TUBGCP5: variants seen among roughly 807,000 people sequenced by gnomAD.
TUBGCP5 encodes the protein gamma-tubulin complex component 5.
TUBGCP5 carries 98 observed loss-of-function variants against 134.7 expected under a neutral mutation model. That is an observed-to-expected ratio of 0.73 (90% CI 0.62 to 0.86). TUBGCP5 has a LOEUF of 0.86. Among genes scored for constraint, TUBGCP5 ranks in the 40% least tolerant of loss-of-function variants. The probability of loss-of-function intolerance (pLI) is 0.00; values close to 1 mark genes in which losing one functional copy is unlikely to be tolerated. For missense variants in TUBGCP5, 1,150 were observed against 1,244.8 expected, an observed-to-expected ratio of 0.92 and a Z score of 1.15; for synonymous variants, 456 against 431.4, an observed-to-expected ratio of 1.06 and a Z score of -0.71.
At chr15:23,029,433 CTGGTCT>C (rs1315738737) in intron 6 of TUBGCP5, among the ~76,000 whole-genome samples, 1 of 151,848 alleles carries the variant, frequency 6.6e-6, no homozygotes, top group Non-Finnish European at 1.5e-5. Context: ...GTTGGTCAGG[CTGGTCT>C]TGAACTCCTG....
At chr15:23,032,654 C>T (rs2066378599) in intron 4 of TUBGCP5, 74 bp downstream of exon 4, 1 of 1,009,690 alleles carries the variant, frequency 9.9e-7, no homozygotes, top group Non-Finnish European at 1.4e-6. Flanking sequence ...TTCAATAAAA[C>T]TCAGTGTTTA....
chr15:23,004,453 A>G, intron 19 of TUBGCP5: 2 of 491,166 alleles, frequency 4.1e-6, no homozygotes, highest in East Asian at 3.9e-5. Context: ...CCACTTGCAC[A>G]GTGAATGAAT....
Position 23,027,304 on chromosome 15 carries a change from C to T in TUBGCP5, c.625G>A (p.Glu209Lys), listed in dbSNP as rs756561461. 7 of 1,613,032 alleles carry T rather than the reference C, an allele frequency of 4.3e-6. No individual in the cohort carries two copies. Among genetic ancestry groups the T allele is most frequent in the Non-Finnish European group, 8.5e-7 (1 of 1,179,396 alleles). The change falls in exon 7 of 23, where the codon GAG (glutamate) becomes AAG (lysine). Residue 209 changes from glutamate to lysine, a missense_variant and splice_region_variant. Transcript: ENST00000615383. ...TCCAGCCAGCTTCGGTCATCTGGCT[C>T]ATCTGCTTGAAAGAAATGTAATCAG... ...KLDPCISWKD[E>K]PDDRSWLEHH...
chr15:23,017,745 G>A, intron 13 of TUBGCP5, 28 bp downstream of exon 13: 4 of 1,600,650 alleles, frequency 2.5e-6, no homozygotes, highest in Non-Finnish European at 3.4e-6. Flanking sequence ...CCAACACCAA[G>A]AGAGACACAG....
rs1279633783 is a variant in TUBGCP5, at chr15:22,999,787, C to A, written c.*33G>T. The A allele has an allele frequency of 6.2e-7, 1 of 1,607,662 alleles. No individual in the cohort carries two copies. Among genetic ancestry groups the A allele is most frequent in the Admixed American group, 1.7e-5 (1 of 59,954 alleles). ...TGGTGGAAATGTACATGTATGATGA[C>A]AAAGTCGGAGATATTTATTACGCTG... is the stretch of plus-strand genomic sequence containing the variant. On this transcript the variant is annotated 3_prime_UTR_variant, in exon 23 of 23. Transcript: ENST00000615383.
In TUBGCP5 at chr15:23,013,363, G is replaced by A. The variant is rs957443792; in HGVS notation, c.1757-2032C>T. 6.6e-6 allele frequency among the ~76,000 whole-genome samples: 1 copy of A among 151,644 alleles called. No homozygotes were observed. Among genetic ancestry groups the A allele is most frequent in the Non-Finnish European group, 1.5e-5 (1 of 67,886 alleles). On this transcript the variant is annotated intron_variant, in intron 13 of 22. Transcript: ENST00000615383. This position sits in a 1 kb window ranked among gnomAD's most constrained non-coding sequence, Gnocchi z 4.5. Reference sequence around the variant, plus strand: ...AGCTGCTGGGGAGGCTGAGGCAGGAGAGAACCCAGGAGGCGAAGTTCGCAG... The same window carrying A: ...AGCTGCTGGGGAGGCTGAGGCAGGAAAGAACCCAGGAGGCGAAGTTCGCAG...
At chr15:23,033,934 T>C (rs946700410) in intron 3 of TUBGCP5, among the ~76,000 whole-genome samples, 3 of 152,146 alleles carry the variant, frequency 2.0e-5, no homozygotes, top group Non-Finnish European at 4.4e-5. Flanking sequence ...ATTTTTAAAT[T>C]GGGATATTAG....
At chr15:23,018,511 T>C (rs1337585159) in intron 12 of TUBGCP5, among the ~76,000 whole-genome samples, 2 of 152,160 alleles carry the variant, frequency 1.3e-5, no homozygotes. Context: ...CAGTGACAGA[T>C]ATGAGATTGA....
chr15:23,030,186 C>T (rs539222492), intron 6 of TUBGCP5, among the ~76,000 whole-genome samples: 1 of 151,984 alleles, frequency 6.6e-6, no homozygotes, highest in Non-Finnish European at 1.5e-5. Context: ...CAGAGTGAGA[C>T]CCTTGTCTCC....
In TUBGCP5 at chr15:23,013,976, C is replaced by G. The variant is rs755457259; in HGVS notation, c.1757-2645G>C. Among the ~76,000 whole-genome samples the G allele has an allele frequency of 2.6e-5, 4 of 152,198 alleles. No homozygotes were observed. Among genetic ancestry groups the G allele is most frequent in the African/African-American group, 9.7e-5 (4 of 41,450 alleles). ...GCTATGTGGAGCCTGGGCCCAGGAT[C>G]GACTGGTGATTCTGGTCCTGCACAG... On this transcript the variant is annotated intron_variant, in intron 13 of 22. Coordinates refer to ENST00000615383, the MANE Select transcript of TUBGCP5 (RefSeq NM_052903.6). The surrounding 1 kb of genome is among the most constrained non-coding windows in gnomAD (Gnocchi z 4.5).
At chr15:22,986,720 A>G (rs1382232480) in intron 23 of TUBGCP5, among the ~76,000 whole-genome samples, 1 of 151,048 alleles carries the variant, frequency 6.6e-6, no homozygotes. Flanking sequence ...CCTGGGCAAC[A>G]GAATGAGACT....
intron 12 of TUBGCP5, among the ~76,000 whole-genome samples, chr15:23,019,017 T>G (rs1001708065): frequency 2.0e-5 from 3 of 152,172 alleles, no homozygotes. Context: ...TGACAAAACT[T>G]GGACAAAGAT....
At chr15:23,034,628 G>T (rs1292957887) in intron 3 of TUBGCP5, among the ~76,000 whole-genome samples, 3 of 152,126 alleles carry the variant, frequency 2.0e-5, no homozygotes, top group African/African-American at 7.2e-5. Flanking sequence ...TGGAACCAAG[G>T]TGGGCAGATC....
intron 18 of TUBGCP5, 85 bp downstream of exon 18, chr15:23,005,967 G>C: frequency 7.4e-7 from 1 of 1,342,296 alleles, no homozygotes; most frequent in South Asian, 1.5e-5. Flanking sequence ...CCAGATCCCC[G>C]TATGCTTCCC....
chr15:23,021,984 T>C lies in TUBGCP5; in HGVS notation c.1346A>G (p.Asn449Ser), dbSNP rs749374861. The change falls in exon 11 of 23, where the codon AAT becomes AGT. Residue 449 changes from asparagine (N) to serine (S), a missense_variant. By Grantham distance (46) the Asn-to-Ser change is conservative. This residue lies in a region of TUBGCP5 where 697 missense variants were observed against 850.1 expected (regional missense o/e 0.82). Transcript: ENST00000615383. ...TLYKAILEYD[N>S]VGEASEQTVS... is the part of the protein sequence containing the mutation. ...GGTTTGCTCAGAGGCTTCTCCAACA[T>C]TGTCATATTCAAGAATGGCCTTGTA... The C allele has an allele frequency of 6.2e-7, 1 of 1,614,142 alleles. No homozygotes were observed. The highest frequency in any genetic ancestry group is 8.5e-7 in the Non-Finnish European group (1 of 1,180,012).
chr15:23,025,501 C>CTATGA (rs2065931790), intron 8 of TUBGCP5, among the ~76,000 whole-genome samples: 1 of 152,164 alleles, frequency 6.6e-6, no homozygotes, highest in African/African-American at 2.4e-5. Context: ...CTTCCAGGTA[C>CTATGA]GGGCACAGGC....
At chr15:23,018,311 G>A (rs937369762) in intron 12 of TUBGCP5, among the ~76,000 whole-genome samples, 2 of 152,182 alleles carry the variant, frequency 1.3e-5, no homozygotes, top group African/African-American at 4.8e-5. Flanking sequence ...CTCTTTAGAA[G>A]AAGAATAAAA....
intron 5 of TUBGCP5, 130 bp downstream of exon 5, chr15:23,031,816 TAATA>T: frequency 1.8e-6 from 1 of 549,390 alleles, no homozygotes; most frequent in Admixed American, 3.5e-5. Context: ...CAGTCTTCCA[TAATA>T]AATGACTCTA....
chr15:23,007,747 A>G (rs1233877552), intron 16 of TUBGCP5, among the ~76,000 whole-genome samples: 1 of 152,198 alleles, frequency 6.6e-6, no homozygotes, highest in African/African-American at 2.4e-5. Context: ...GGAGCCAGAC[A>G]GTAAATAGCT....
Sources: gnomAD v4.1 joint callset for allele counts (sites outside exome capture counted in the v4.1 genomes callset) on GRCh38, gnomAD v4.1.1 for gene constraint, gnomAD v4.1.1 regional missense constraint, Gnocchi (gnomAD v3.1) non-coding constraint, MANE v1.5 for transcripts, NCBI Gene and HGNC (gene_info 2026-07-23, HGNC 2026-07-21) for gene names.